Variants in ALG13 observed in about 807,000 individuals in gnomAD.
The protein encoded by ALG13 is UDP-N-acetylglucosamine transferase subunit ALG13.
A neutral mutation model predicts 87.8 loss-of-function variants in ALG13; 11 were observed. The observed-to-expected ratio is 0.13, with a 90% confidence interval of 0.08 to 0.21. The LOEUF is 0.21. Among genes scored for constraint, ALG13 ranks in the 10% least tolerant of loss-of-function variants. The pLI, the probability that ALG13 is intolerant of heterozygous loss-of-function variation, is 1.00. For missense variants in ALG13, 756 were observed against 866.1 expected (o/e 0.87, Z 1.60); for synonymous variants, 320 against 306.3 (o/e 1.04, Z -0.47).
chrX:111,749,848 G>T (rs1294257384), intron 24 of ALG13, among the ~76,000 whole-genome samples: 1 of 111,672 alleles, frequency 9.0e-6, no homozygotes, highest in Admixed American at 9.5e-5. Flanking sequence ...GTTTCACAGA[G>T]TGTTTTTAAA....
intron 26 of ALG13, 106 bp from the exon 27 acceptor site, chrX:111,759,628 T>C (rs1291449274): frequency 1.8e-5 from 11 of 617,997 alleles, no homozygotes; most frequent in Non-Finnish European, 2.7e-5. Flanking sequence ...ATCTTTCTTA[T>C]AGTTAGTTTT....
intron 3 of ALG13, among the ~76,000 whole-genome samples, chrX:111,694,145 G>A (rs1936625611): frequency 9.1e-6 from 1 of 110,354 alleles, no homozygotes; most frequent in South Asian, 3.9e-4. Flanking sequence ...TCGGGTTCAC[G>A]CCATTCTTCT....
chrX:111,757,485 C>T, intron 25 of ALG13, 103 bp from the exon 26 acceptor site: 1 of 645,812 alleles, frequency 1.5e-6, no homozygotes, highest in East Asian at 4.0e-5. Context: ...AATCGTGGCC[C>T]AATTCTTATT....
intron 3 of ALG13, among the ~76,000 whole-genome samples, chrX:111,686,952 G>A (rs1158642180): frequency 2.7e-5 from 3 of 111,923 alleles, no homozygotes; most frequent in Non-Finnish European, 5.6e-5. Flanking sequence ...TAATTGATTG[G>A]TTATATTTTC....
Position 111,728,246 on chromosome X carries a change from G to A in ALG13, c.2309G>A (p.Gly770Glu), listed in dbSNP as rs751478782. The change falls in exon 19 of 27, where the codon GGA becomes GAA. Residue 770 changes from glycine (G) to glutamate (E), a missense_variant. Transcript: ENST00000394780. ...TCAGGATACTGTGTTGGAAGGCGGG[G>A]ACATAGCTCAGGCAAACAGACTTTG... ...ATSGYCVGRR[G>E]HSSGKQTLNL... 79 of 1,209,843 alleles carry A rather than the reference G, an allele frequency of 6.5e-5. No homozygotes were observed. Among genetic ancestry groups the A allele is most frequent in the Non-Finnish European group, 2.6e-5 (23 of 895,066 alleles).
intron 21 of ALG13, among the ~76,000 whole-genome samples, chrX:111,730,841 A>G (rs774428739): frequency 8.9e-6 from 1 of 112,267 alleles, no homozygotes; most frequent in African/African-American, 3.2e-5. Flanking sequence ...ATCTCACTCA[A>G]TATAACAAAA....
intron 3 of ALG13, chrX:111,688,474 C>T: frequency 1.3e-6 from 1 of 751,576 alleles, no homozygotes. Flanking sequence ...AAAGTTCAAT[C>T]ATTGCCTAAA....
At chrX:111,743,005 T>A (rs1943897282) in intron 23 of ALG13, among the ~76,000 whole-genome samples, 1 of 111,975 alleles carries the variant, frequency 8.9e-6, no homozygotes, top group Admixed American at 9.5e-5. Flanking sequence ...TTGTAAAAGC[T>A]TTTACTTAGA....
chrX:111,681,579 A>AT (rs1383627332), intron 1 of ALG13: 1 of 944,961 alleles, frequency 1.1e-6, no homozygotes, highest in Admixed American at 5.1e-5. Context: ...CCCGCGCTCT[A>AT]TTCTCCGCCT....
At chrX:111,747,508 A>G (rs771454798) in intron 24 of ALG13, among the ~76,000 whole-genome samples, 4 of 111,637 alleles carry the variant, frequency 3.6e-5, no homozygotes, top group Non-Finnish European at 7.5e-5. Flanking sequence ...ATATAGAGAG[A>G]TGGAGTCTTG....
Position 111,730,395 on chromosome X carries a change from G to A in ALG13, c.2369G>A (p.Gly790Glu), listed in dbSNP as rs745411126. 8.2e-5 allele frequency: 99 copies of A among 1,207,441 alleles called. 1 individual carries two copies. The South Asian group carries it at 1.6e-3, about 19-fold the overall frequency. ...CTTCTGTCTTGTCTTTTTTCCCCAG[G>A]GCGATATCATGAAGAATATCTTTAT... The part of the protein sequence containing the change: ...LEEGNGQSEN[G>E]RYHEEYLYRA... Residue 790 changes from glycine to glutamate, a missense_variant and splice_region_variant, in exon 20 of 27, where the codon GGG (glycine) becomes GAG (glutamate). Gly to Glu is a moderately conservative substitution (Grantham distance 98). Transcript: ENST00000394780.
At chrX:111,700,514 G>A (rs1177400115) in intron 3 of ALG13, among the ~76,000 whole-genome samples, 1 of 109,506 alleles carries the variant, frequency 9.1e-6, no homozygotes, top group Non-Finnish European at 1.9e-5. Flanking sequence ...ATCATATGTG[G>A]TGTTTATTGT....
intron 14 of ALG13, among the ~76,000 whole-genome samples, chrX:111,724,485 A>G (rs1406257866): frequency 8.9e-6 from 1 of 112,394 alleles, no homozygotes; most frequent in Non-Finnish European, 1.9e-5. Context: ...TTCATTTAGC[A>G]TGTCCATAGT....
chrX:111,720,575 C>T (rs897530862), intron 11 of ALG13, among the ~76,000 whole-genome samples: 2 of 111,111 alleles, frequency 1.8e-5, no homozygotes, highest in Admixed American at 1.9e-4. Flanking sequence ...TTTCACCATC[C>T]GTATAGGACT....
chrX:111,701,450 A>G (rs1937858174), intron 3 of ALG13, among the ~76,000 whole-genome samples: 1 of 110,733 alleles, frequency 9.0e-6, no homozygotes. Context: ...GTGTCTAGGA[A>G]CTCATCCATT....
At chrX:111,698,598 T>C (rs1374013489) in intron 3 of ALG13, among the ~76,000 whole-genome samples, 2 of 111,892 alleles carry the variant, frequency 1.8e-5, no homozygotes, top group African/African-American at 6.5e-5. Context: ...ATTCCGCATG[T>C]AAATCATGCC....
chrX:111,691,010 A>T (rs1936040412), intron 3 of ALG13, among the ~76,000 whole-genome samples: 1 of 111,535 alleles, frequency 9.0e-6, no homozygotes, highest in Admixed American at 9.6e-5. Context: ...GATCATTTGA[A>T]ATTAATTTTG....
At chrX:111,752,661 C>T (rs1215732098) in intron 24 of ALG13, 129 bp from the exon 25 acceptor site, 6 of 429,495 alleles carry the variant, frequency 1.4e-5, no homozygotes, top group Non-Finnish European at 2.0e-5. Flanking sequence ...AGTTATCTGC[C>T]CATCTAGGCC....
chrX:111,708,245 T>C lies in ALG13; in HGVS notation c.602T>C (p.Leu201Pro), dbSNP rs1042682745. Residue 201 changes from leucine to proline, a missense_variant, in exon 4 of 27, where the codon CTG becomes CCG. Leu to Pro is a moderately conservative substitution (Grantham distance 98, BLOSUM62 -3). Around this residue, in one of 9 missense-constraint regions of ALG13, gnomAD observed 153 missense variants for 168.7 expected, o/e 0.91. Coordinates refer to ENST00000394780, the MANE Select transcript of ALG13 (RefSeq NM_001099922.3). ...AFFPLPLTPT[L>P]YKMHKGWKNY... is the part of the protein sequence containing the mutation. ...TTTCCTCTCCCTCTTACCCCCACCC[T>C]GTACAAAATGCATAAAGGATGGAAA... The C allele has an allele frequency of 2.5e-6, 3 of 1,209,782 alleles. No homozygotes were observed. The highest frequency in any genetic ancestry group is 3.4e-6 in the Non-Finnish European group (3 of 895,136).
Sources: allele counts gnomAD v4.1 joint callset (sites outside exome capture counted in the v4.1 genomes callset), GRCh38; gene constraint gnomAD v4.1.1; regional missense constraint gnomAD v4.1.1; transcripts MANE v1.5; gene names NCBI Gene and HGNC (gene_info 2026-07-23, HGNC 2026-07-21).